Variants in MAGI2 observed in about 807,000 individuals in gnomAD.
The protein encoded by MAGI2 is membrane associated guanylate kinase, WW and PDZ domain containing 2, also known as membrane-associated guanylate kinase, WW and PDZ domain-containing protein 2.
A neutral mutation model predicts 133.3 loss-of-function variants in MAGI2; 35 were observed. That is an observed-to-expected ratio of 0.26 (90% CI 0.20 to 0.35). The LOEUF (loss-of-function observed/expected upper bound fraction) is 0.35, where lower values mean the gene tolerates loss of function less well. MAGI2 is among the 10% of genes least tolerant of loss of function. MAGI2 has a pLI of 1.00. For synonymous variants in MAGI2, 729 were observed against 710.6 expected (o/e 1.03, Z -0.41); for missense variants, 1,636 against 1,863.4 (o/e 0.88, Z 2.25).
At chr7:78,726,998 G>T (rs1820884094) in intron 2 of MAGI2, among the ~76,000 whole-genome samples, 1 of 151,152 alleles carries the variant, frequency 6.6e-6, no homozygotes, top group Non-Finnish European at 1.5e-5. Flanking sequence ...CACAGTCCTT[G>T]AGACACCTGA....
intron 2 of MAGI2, among the ~76,000 whole-genome samples, chr7:78,770,247 A>G (rs1039016158): frequency 2.0e-5 from 3 of 152,242 alleles, no homozygotes; most frequent in African/African-American, 7.2e-5. Flanking sequence ...ACCTATTTTA[A>G]TTATAACACA....
intron 1 of MAGI2, among the ~76,000 whole-genome samples, chr7:79,293,811 C>T (rs1440726391): frequency 2.6e-5 from 4 of 152,164 alleles, no homozygotes; most frequent in Admixed American, 6.5e-5. Context: ...TTTGCTCAAG[C>T]GCCTTTTATG....
intron 1 of MAGI2, among the ~76,000 whole-genome samples, chr7:79,242,593 C>A (rs933917612): frequency 4.6e-5 from 7 of 152,080 alleles, no homozygotes; most frequent in Non-Finnish European, 5.9e-5. Context: ...ATTTTTATGG[C>A]ACTTGGATTT....
At chr7:79,187,628 T>C (rs752673558) in intron 1 of MAGI2, among the ~76,000 whole-genome samples, 2 of 151,924 alleles carry the variant, frequency 1.3e-5, no homozygotes, top group Non-Finnish European at 2.9e-5. Context: ...TAGCTGATAG[T>C]AGATCTGAAT....
At chr7:78,195,508 T>C (rs575569766) in intron 11 of MAGI2, among the ~76,000 whole-genome samples, 6 of 152,310 alleles carry the variant, frequency 3.9e-5, no homozygotes, top group African/African-American at 1.2e-4. Flanking sequence ...CATATACTCA[T>C]TTGACACCTA....
intron 6 of MAGI2, among the ~76,000 whole-genome samples, chr7:78,469,254 T>C (rs902533214): frequency 3.9e-5 from 6 of 152,276 alleles, no homozygotes; most frequent in Non-Finnish European, 5.9e-5. Context: ...AGCCTAGAAC[T>C]AGAATCATTA....
intron 1 of MAGI2, among the ~76,000 whole-genome samples, chr7:79,264,468 ATC>A (rs1834302288): frequency 6.6e-6 from 1 of 152,178 alleles, no homozygotes; most frequent in Non-Finnish European, 1.5e-5. Flanking sequence ...ATTTGTTATT[ATC>A]TGATTATTAA....
At chr7:78,270,355 G>A (rs969594544) in intron 9 of MAGI2, among the ~76,000 whole-genome samples, 1 of 152,090 alleles carries the variant, frequency 6.6e-6, no homozygotes, top group African/African-American at 2.4e-5. Context: ...ATTATCTTGG[G>A]CAGTATGGCC....
At chr7:78,309,822 A>T (rs1464952598) in intron 9 of MAGI2, among the ~76,000 whole-genome samples, 2 of 144,566 alleles carry the variant, frequency 1.4e-5, no homozygotes, top group East Asian at 4.1e-4. Context: ...AACCTCTGTG[A>T]GGCTCAGACC....
intron 1 of MAGI2, among the ~76,000 whole-genome samples, chr7:79,122,975 G>T (rs1001842623): frequency 6.6e-6 from 1 of 152,144 alleles, no homozygotes; most frequent in Non-Finnish European, 1.5e-5. Context: ...TTAAAAAAGA[G>T]ATAGGAGAGA....
chr7:78,249,828 T>C (rs1792199980), intron 10 of MAGI2, among the ~76,000 whole-genome samples: 1 of 152,066 alleles, frequency 6.6e-6, no homozygotes, highest in Admixed American at 6.6e-5. Flanking sequence ...GTATAGTATA[T>C]TTCAAAGTAG....
At chr7:78,035,042 G>C (rs1456784630) in intron 21 of MAGI2, 4 of 152,356 alleles carry the variant, frequency 2.6e-5, no homozygotes, top group Non-Finnish European at 5.9e-5. Context: ...GCCATGATGC[G>C]CTTCTGCATT....
intron 6 of MAGI2, among the ~76,000 whole-genome samples, chr7:78,422,351 A>C (rs1798877879): frequency 6.6e-6 from 1 of 152,200 alleles, no homozygotes; most frequent in Admixed American, 6.5e-5. Context: ...TTGTAATGTT[A>C]ATAGATCTCA....
intron 1 of MAGI2, among the ~76,000 whole-genome samples, chr7:79,091,382 CAG>C (rs1398696519): frequency 1.3e-5 from 2 of 152,104 alleles, no homozygotes; most frequent in East Asian, 1.9e-4. Context: ...TCATCTAAAA[CAG>C]AATTTTTGTA....
intron 15 of MAGI2, among the ~76,000 whole-genome samples, chr7:78,163,703 G>A (rs1341548783): frequency 2.0e-5 from 3 of 151,914 alleles, no homozygotes; most frequent in South Asian, 2.1e-4. Context: ...TCAGGAGATA[G>A]AGATCATCCT....
chr7:78,650,593 CA>C (rs558475637), intron 2 of MAGI2, among the ~76,000 whole-genome samples: 16 of 152,258 alleles, frequency 1.1e-4, no homozygotes, highest in African/African-American at 3.6e-4. Flanking sequence ...GAAGTGGTTA[CA>C]GGGGCATGTA....
intron 6 of MAGI2, among the ~76,000 whole-genome samples, chr7:78,430,330 T>C (rs1799678390): frequency 6.8e-6 from 1 of 146,474 alleles, no homozygotes; most frequent in African/African-American, 2.6e-5. Flanking sequence ...CATGTAAATA[T>C]GCATATATAT....
intron 1 of MAGI2, among the ~76,000 whole-genome samples, chr7:79,284,103 C>A (rs10270645): frequency 0.57 from 86,980 of 151,900 alleles, 26,788 homozygotes; most frequent in Non-Finnish European, 0.68. Context: ...GATGTTCACA[C>A]AATAATGAAA....
intron 9 of MAGI2, among the ~76,000 whole-genome samples, chr7:78,258,500 C>A (rs569561333): frequency 3.9e-5 from 6 of 152,122 alleles, no homozygotes; most frequent in Admixed American, 1.3e-4. Context: ...CACCTCTCCC[C>A]CAACTTGCAC....
Sources: gnomAD v4.1 joint callset for allele counts (sites outside exome capture counted in the v4.1 genomes callset) on GRCh38, gnomAD v4.1.1 for gene constraint, MANE v1.5 for transcripts, NCBI Gene and HGNC (gene_info 2026-07-23, HGNC 2026-07-21) for gene names.